The following KICS2 variants were observed in gnomAD, a reference collection of about 807,000 sequenced individuals.
The protein encoded by KICS2 is KICSTOR complex protein C12orf66.
KICS2 carries 13 observed loss-of-function variants against 31.4 expected under a neutral mutation model. The observed-to-expected ratio is 0.41, with a 90% CI of 0.27 to 0.66. The LOEUF (loss-of-function observed/expected upper bound fraction) is 0.66, where lower values mean the gene tolerates loss of function less well. Among genes scored for constraint, KICS2 ranks in the 30% least tolerant of loss-of-function variants. The probability of loss-of-function intolerance (pLI) is 0.28; values close to 1 mark genes in which losing one functional copy is unlikely to be tolerated. For missense variants in KICS2, 455 were observed against 545.4 expected (o/e 0.83, Z 1.65); for synonymous variants, 209 against 214.8 (o/e 0.97, Z 0.24).
intron 2 of KICS2, among the ~76,000 whole-genome samples, chr12:64,203,770 A>G (rs991424094): frequency 6.6e-6 from 1 of 152,262 alleles, no homozygotes; most frequent in African/African-American, 2.4e-5. Flanking sequence ...GGACATTATA[A>G]GAGAGAAACC....
downstream of KICS2, among the ~76,000 whole-genome samples, chr12:64,187,922 C>G (rs2037351522): frequency 6.6e-6 from 1 of 152,094 alleles, no homozygotes; most frequent in African/African-American, 2.4e-5. Flanking sequence ...CTTTTCCTGC[C>G]AAATAACCTG....
chr12:64,212,975 C>G (rs1592387666), intron 2 of KICS2, among the ~76,000 whole-genome samples: 1 of 151,316 alleles, frequency 6.6e-6, no homozygotes, highest in Non-Finnish European at 1.5e-5. Flanking sequence ...CCTGTGGTCA[C>G]AGCTGCTTGG....
chr12:64,216,056 C>G, intron 1 of KICS2, 93 bp from the exon 2 acceptor site: 1 of 1,194,030 alleles, frequency 8.4e-7, no homozygotes, highest in South Asian at 1.6e-5. Flanking sequence ...AGAATCCAAA[C>G]CCATTGAGCT....
intron 2 of KICS2, among the ~76,000 whole-genome samples, chr12:64,201,471 G>A (rs1325215573): frequency 1.1e-5 from 1 of 90,700 alleles, no homozygotes; most frequent in Admixed American, 1.3e-4. Flanking sequence ...GGGGGGAGGG[G>A]GGAGGGATAG....
intron 2 of KICS2, among the ~76,000 whole-genome samples, chr12:64,196,556 A>G (rs1454449744): frequency 1.3e-5 from 2 of 151,818 alleles, no homozygotes; most frequent in Admixed American, 6.6e-5. Flanking sequence ...TCCTCCTCCA[A>G]AGGAACACAG....
rs1475243369 is a variant in KICS2, at chr12:64,221,905, G to C, written c.235+98C>G. On this transcript the variant is annotated intron_variant, in intron 1 of 2. Coordinates refer to ENST00000398055, the MANE Select transcript of KICS2 (RefSeq NM_152440.5). ...GAATGCCGAGTCGAGCCTGCGACTA[G>C]AAGTGACACAGAGACGGGAAACCCA... 6.1e-6 allele frequency: 8 copies of C among 1,307,674 alleles called. No homozygotes were observed. In the Admixed American group the frequency reaches 7.3e-5, roughly 12 times the overall value. 81.0% of individuals were successfully genotyped at this position (1,307,674 alleles called of 1,614,324 possible).
In KICS2 at chr12:64,215,914, A is replaced by C; in HGVS notation, c.285T>G (p.Thr95=). The C allele has an allele frequency of 6.2e-7, 1 of 1,614,068 alleles. No homozygotes were observed. Among genetic ancestry groups the C allele is most frequent in the Non-Finnish European group, 8.5e-7 (1 of 1,179,994 alleles). The change falls in exon 2 of 3, where the codon ACT becomes ACG. Residue 95 remains threonine, a synonymous_variant. Coordinates refer to ENST00000398055, the MANE Select transcript of KICS2 (RefSeq NM_152440.5). The part of the protein sequence containing the change: ...SRKDSIRTIY[T]SLHNELKKVV... ...CCTTCTTCAGCTCATTATGCAATGA[A>C]GTATAGATGGTGCGGATGGAATCCT... is the stretch of plus-strand genomic sequence containing the variant.
At chr12:64,221,978 G>A in intron 1 of KICS2, 25 bp downstream of exon 1, 1 of 1,601,344 alleles carries the variant, frequency 6.2e-7, no homozygotes, top group Non-Finnish European at 8.5e-7. Flanking sequence ...CTCCTCAAGG[G>A]GCTCGGGGGG....
chr12:64,203,899 T>C (rs2037513207), intron 2 of KICS2, among the ~76,000 whole-genome samples: 1 of 152,258 alleles, frequency 6.6e-6, no homozygotes, highest in African/African-American at 2.4e-5. Context: ...TGAGATTAAG[T>C]CTAATAATAT....
intron 1 of KICS2, 74 bp from the exon 2 acceptor site, chr12:64,216,037 C>G: frequency 6.9e-7 from 1 of 1,448,264 alleles, no homozygotes; most frequent in East Asian, 2.3e-5. Context: ...TACCAACATG[C>G]AAAAGCAAAG....
rs1209218949 is a variant in KICS2 at position 64,191,296 on chromosome 12, C to G, written c.*2546G>C. 1.3e-5 allele frequency: 2 copies of G among 151,860 alleles called. No homozygotes were observed. The highest frequency in any genetic ancestry group is 3.8e-4 in the East Asian group (2 of 5,202). 9.4% of individuals were successfully genotyped at this position (151,860 alleles called of 1,614,324 possible). A position where few individuals can be genotyped will look rare whatever the true frequency, so the allele number is the denominator to read the frequency against. On this transcript the variant is annotated 3_prime_UTR_variant, in exon 3 of 3. Coordinates refer to ENST00000398055, the MANE Select transcript of KICS2 (RefSeq NM_152440.5). Reference sequence around the variant, plus strand: ...ACTCTTCCAGTACAGTCTATGACAGCTGCACAGTAATACATATTGTCTTAG... The same window carrying G: ...ACTCTTCCAGTACAGTCTATGACAGGTGCACAGTAATACATATTGTCTTAG...
chr12:64,219,424 C>T (rs1272650464), intron 1 of KICS2, among the ~76,000 whole-genome samples: 1 of 152,098 alleles, frequency 6.6e-6, no homozygotes, highest in Non-Finnish European at 1.5e-5. Flanking sequence ...GGGCCCTACT[C>T]GAAGTTTTTC....
At position 64,191,365 on chromosome 12, in the gene KICS2, T is replaced by C. The variant is rs576749508; in HGVS notation, c.*2477A>G. 8 of 152,352 alleles carry C rather than the reference T, an allele frequency of 5.3e-5. No individual in the cohort carries two copies. The highest frequency in any genetic ancestry group is 1.9e-4 in the African/African-American group (8 of 41,582). 9.4% of individuals were successfully genotyped at this position (152,352 alleles called of 1,614,324 possible). ...TCTGCCTTCTGTTCTTTGAAATTCT[T>C]TTTGTGTTTATGTTTAAAAATAGAT... On this transcript the variant is annotated 3_prime_UTR_variant, in exon 3 of 3. Coordinates refer to ENST00000398055, the MANE Select transcript of KICS2 (RefSeq NM_152440.5).
At chr12:64,187,491 C>T, downstream of KICS2, 1 of 736,462 alleles carries the variant, frequency 1.4e-6, no homozygotes, top group South Asian at 1.7e-5. Flanking sequence ...AATATGCAGA[C>T]AAGGCATTAA....
At chr12:64,199,259 C>G (rs2037467043) in intron 2 of KICS2, among the ~76,000 whole-genome samples, 1 of 59,690 alleles carries the variant, frequency 1.7e-5, no homozygotes, top group Non-Finnish European at 3.5e-5. Context: ...CCACCATGAT[C>G]AAGTGGGCTT....
At position 64,213,708 on chromosome 12, in the gene KICS2, C is replaced by T. The variant is rs576548007; in HGVS notation, c.521+1970G>A. Among the ~76,000 whole-genome samples the T allele has an allele frequency of 2.0e-5, 3 of 152,132 alleles. No individual in the cohort carries two copies. In the South Asian group the frequency reaches 6.2e-4, roughly 32 times the overall value. ...CTGGCCTTTCGTCTGAACTCTAGAC[C>T]CCCATTTCCAAATGCCTGCTAAATC... On this transcript the variant is annotated intron_variant, in intron 2 of 2. Coordinates refer to ENST00000398055, the MANE Select transcript of KICS2 (RefSeq NM_152440.5).
At chr12:64,187,425 G>A (rs1270940519), downstream of KICS2, 2 of 571,836 alleles carry the variant, frequency 3.5e-6, no homozygotes, top group East Asian at 5.8e-5. Context: ...ATACCCTACG[G>A]TTTTAAATTT....
At chr12:64,212,334 C>A (rs1389732644) in intron 2 of KICS2, among the ~76,000 whole-genome samples, 2 of 152,186 alleles carry the variant, frequency 1.3e-5, no homozygotes, top group South Asian at 2.1e-4. Context: ...CTCCTGGCAA[C>A]CATTTTCTGT....
chr12:64,198,853 C>A (rs1040528705), intron 2 of KICS2, among the ~76,000 whole-genome samples: 41 of 151,250 alleles, frequency 2.7e-4, no homozygotes, highest in African/African-American at 9.5e-4. Flanking sequence ...AAAATCTAGA[C>A]GAAATGGATA....
Sources: gnomAD v4.1 joint callset for allele counts (sites outside exome capture counted in the v4.1 genomes callset) on GRCh38, gnomAD v4.1.1 for gene constraint, MANE v1.5 for transcripts, NCBI Gene and HGNC (gene_info 2026-07-23, HGNC 2026-07-21) for gene names.